RANBP2: variants seen among roughly 807,000 people sequenced by gnomAD.
RANBP2 encodes RAN binding protein 2, also known as E3 SUMO-protein ligase RanBP2.
In RANBP2, 57 loss-of-function variants were observed where a neutral mutation model predicts 303.6. The ratio of observed to expected loss-of-function variants is 0.19; its 90% confidence interval spans 0.15 to 0.23. The LOEUF is 0.23. Among genes scored for constraint, RANBP2 ranks in the 10% least tolerant of loss-of-function variants. The pLI, the probability that RANBP2 is intolerant of heterozygous loss-of-function variation, is 1.00. For missense variants in RANBP2, 3,138 were observed against 3,780.8 expected (o/e 0.83, Z 4.46); for synonymous variants, 1,167 against 1,301.5 (o/e 0.90, Z 2.23).
chr2:108,721,122 C>T (rs1219288889), intron 1 of RANBP2, among the ~76,000 whole-genome samples: 1 of 152,168 alleles, frequency 6.6e-6, no homozygotes, highest in African/African-American at 2.4e-5. Context: ...AATTGTGTCT[C>T]TTATCGTAAC....
chr2:108,857,066 C>CTTTTT, the RANBP2 span: 43 of 44,096 alleles, frequency 9.8e-4, 7 homozygotes, highest in African/African-American at 2.8e-3. Flanking sequence ...GATACTATTG[C>CTTTTT]TTTTTTTTTT....
At chr2:109,338,934 C>T in the RANBP2 span, among the ~76,000 whole-genome samples, 2 of 149,828 alleles carry the variant, frequency 1.3e-5, no homozygotes, top group African/African-American at 5.0e-5. Flanking sequence ...AGTTGATCAA[C>T]ACATATCTTG....
chr2:109,325,703 C>T, the RANBP2 span, among the ~76,000 whole-genome samples: 2 of 152,202 alleles, frequency 1.3e-5, no homozygotes, highest in East Asian at 3.8e-4. Context: ...CTCCTGGTTT[C>T]CAAGCCAGGC....
chr2:109,562,674 G>A, the RANBP2 span, among the ~76,000 whole-genome samples: 2 of 152,122 alleles, frequency 1.3e-5, no homozygotes, highest in South Asian at 2.1e-4. Flanking sequence ...GTCCCTGCCC[G>A]CTCTTACTCA....
chr2:109,366,514 A>C, the RANBP2 span, among the ~76,000 whole-genome samples: 1 of 152,258 alleles, frequency 6.6e-6, no homozygotes, highest in South Asian at 2.1e-4. Context: ...ACATATATAC[A>C]TACTTGAGGA....
At chr2:109,284,515 C>T in the RANBP2 span, among the ~76,000 whole-genome samples, 1 of 152,172 alleles carries the variant, frequency 6.6e-6, no homozygotes, top group Non-Finnish European at 1.5e-5. Flanking sequence ...GCCTTGGAAG[C>T]CACTGGAGTC....
the RANBP2 span, among the ~76,000 whole-genome samples, chr2:109,091,983 A>T: frequency 3.1e-3 from 479 of 152,210 alleles, 2 homozygotes; most frequent in African/African-American, 0.011. Flanking sequence ...GTCTTGGTTC[A>T]GGAGACTTCT....
At chr2:108,861,781 T>C in the RANBP2 span, among the ~76,000 whole-genome samples, 1 of 151,414 alleles carries the variant, frequency 6.6e-6, no homozygotes, top group East Asian at 1.9e-4. Flanking sequence ...GCGCCCGGCC[T>C]AAACCTCGGC....
chr2:109,215,386 C>G, the RANBP2 span, among the ~76,000 whole-genome samples: 1 of 152,092 alleles, frequency 6.6e-6, no homozygotes, highest in Non-Finnish European at 1.5e-5. Context: ...GGAGAAGGTA[C>G]GTTGATAAAG....
the RANBP2 span, among the ~76,000 whole-genome samples, chr2:109,088,758 C>T: frequency 9.7e-4 from 148 of 152,276 alleles, no homozygotes; most frequent in African/African-American, 3.4e-3. Context: ...GTGATCCACC[C>T]GCCTTGGCCT....
chr2:108,787,148 T>C (rs1678985193), downstream of RANBP2, among the ~76,000 whole-genome samples: 1 of 152,176 alleles, frequency 6.6e-6, no homozygotes, highest in Admixed American at 6.5e-5. Context: ...ATACTGGGCA[T>C]GGTGTGGTGT....
the RANBP2 span, among the ~76,000 whole-genome samples, chr2:109,660,843 GCC>G: frequency 6.6e-6 from 1 of 152,268 alleles, no homozygotes; most frequent in East Asian, 1.9e-4. Context: ...GATCCATCTG[GCC>G]CTTGGGTGTA....
chr2:109,512,638 G>T, the RANBP2 span, among the ~76,000 whole-genome samples: 1 of 152,272 alleles, frequency 6.6e-6, no homozygotes, highest in East Asian at 1.9e-4. Flanking sequence ...GGCTTGCTGG[G>T]CCTCGTGGGA....
At chr2:109,286,995 C>T in the RANBP2 span, among the ~76,000 whole-genome samples, 133 of 152,334 alleles carry the variant, frequency 8.7e-4, 1 homozygote, top group African/African-American at 3.0e-3. Flanking sequence ...TGAAATGGGA[C>T]GTGCAACTGT....
chr2:109,434,109 C>T, the RANBP2 span, among the ~76,000 whole-genome samples: 9 of 152,328 alleles, frequency 5.9e-5, no homozygotes, highest in African/African-American at 1.7e-4. Context: ...GCTCACCTGT[C>T]GTGTCATCAG....
chr2:109,712,668 G>A, the RANBP2 span, among the ~76,000 whole-genome samples: 2,573 of 152,142 alleles, frequency 0.017, 34 homozygotes, highest in Non-Finnish European at 0.022. Flanking sequence ...TCCTGACCTC[G>A]TGATCTGCCC....
the RANBP2 span, among the ~76,000 whole-genome samples, chr2:109,374,332 G>C: frequency 1.3e-5 from 2 of 152,148 alleles, no homozygotes; most frequent in African/African-American, 4.8e-5. Flanking sequence ...CCTCAGCTCT[G>C]ATACAGGCTC....
the RANBP2 span, among the ~76,000 whole-genome samples, chr2:109,162,396 T>A: frequency 2.0e-4 from 30 of 152,288 alleles, no homozygotes; most frequent in African/African-American, 3.4e-4. Flanking sequence ...CAACCTTTTT[T>A]AAATTTATTT....
chr2:109,693,424 G>A, the RANBP2 span, among the ~76,000 whole-genome samples: 17 of 152,158 alleles, frequency 1.1e-4, no homozygotes, highest in African/African-American at 3.4e-4. Flanking sequence ...CTCCCAAAGT[G>A]CTGGTATTAC....
Sources: allele counts gnomAD v4.1 joint callset (sites outside exome capture counted in the v4.1 genomes callset), GRCh38; gene constraint gnomAD v4.1.1; transcripts MANE v1.5; gene names NCBI Gene and HGNC (gene_info 2026-07-23, HGNC 2026-07-21).